Variants in SCRG1 observed in about 807,000 individuals in gnomAD.
The protein encoded by SCRG1 is stimulator of chondrogenesis 1.
A neutral mutation model predicts 7.7 loss-of-function variants in SCRG1; 3 were observed. The ratio of observed to expected loss-of-function variants is 0.39; its 90% confidence interval spans 0.18 to 1.01. The LOEUF is 1.01. Ranked by LOEUF, SCRG1 falls within the 50% of genes least tolerant of loss-of-function variation. The probability of loss-of-function intolerance (pLI) is 0.36; values close to 1 mark genes in which losing one functional copy is unlikely to be tolerated. For synonymous variants in SCRG1, 46 were observed against 41.2 expected (o/e 1.12, Z -0.44); for missense variants, 110 against 117.2 (o/e 0.94, Z 0.28).
chr4:173,450,933 A>T, the SCRG1 span, among the ~76,000 whole-genome samples: 432 of 152,212 alleles, frequency 2.8e-3, 2 homozygotes, highest in African/African-American at 9.8e-3. Flanking sequence ...CCAAGAAAGA[A>T]CACCCAACCA....
chr4:173,468,117 T>A, the SCRG1 span: 2 of 152,642 alleles, frequency 1.3e-5, no homozygotes, highest in African/African-American at 4.8e-5. Context: ...AATGTTTCCA[T>A]CAACGATGGA....
chr4:173,499,028 G>C, the SCRG1 span, among the ~76,000 whole-genome samples: 1 of 152,156 alleles, frequency 6.6e-6, no homozygotes, highest in East Asian at 1.9e-4. The surrounding 1 kb of genome is among the most constrained non-coding windows in gnomAD (Gnocchi z 4.1). Flanking sequence ...CTTAGAAAAG[G>C]CCGCGGGTTC....
At chr4:173,507,117 A>G in the SCRG1 span, among the ~76,000 whole-genome samples, 1 of 152,220 alleles carries the variant, frequency 6.6e-6, no homozygotes, top group African/African-American at 2.4e-5. This position sits in a 1 kb window ranked among gnomAD's most constrained non-coding sequence, Gnocchi z 4.4. Flanking sequence ...GGTGCCATGA[A>G]GGGAAGGCCG....
the SCRG1 span, among the ~76,000 whole-genome samples, chr4:173,459,676 A>T: frequency 6.6e-6 from 1 of 152,230 alleles, no homozygotes; most frequent in Non-Finnish European, 1.5e-5. Context: ...ATTTCAAATA[A>T]ACAACCTAAT....
chr4:173,465,048 C>A, the SCRG1 span, among the ~76,000 whole-genome samples: 1 of 152,078 alleles, frequency 6.6e-6, no homozygotes, highest in African/African-American at 2.4e-5. Context: ...GTCAAATTCA[C>A]AGTGACAGAA....
At chr4:173,470,751 A>G in the SCRG1 span, among the ~76,000 whole-genome samples, 10 of 152,348 alleles carry the variant, frequency 6.6e-5, no homozygotes, top group African/African-American at 2.4e-4. Flanking sequence ...ATACAAGTTT[A>G]TTTAATAGTT....
the SCRG1 span, among the ~76,000 whole-genome samples, chr4:173,430,568 C>G: frequency 6.6e-6 from 1 of 152,020 alleles, no homozygotes; most frequent in Non-Finnish European, 1.5e-5. Context: ...GCAGGAGGAT[C>G]ACTTGAGCCC....
At chr4:173,482,669 T>G in the SCRG1 span, among the ~76,000 whole-genome samples, 1 of 151,530 alleles carries the variant, frequency 6.6e-6, no homozygotes, top group Non-Finnish European at 1.5e-5. Flanking sequence ...AATTGAAAAC[T>G]TAGCCAGGTG....
chr4:173,514,084 A>G, the SCRG1 span, among the ~76,000 whole-genome samples: 1 of 152,200 alleles, frequency 6.6e-6, no homozygotes, highest in Non-Finnish European at 1.5e-5. Context: ...ACATGCAATA[A>G]CTTTCTGTTT....
chr4:173,432,300 CCCCT>C, the SCRG1 span, among the ~76,000 whole-genome samples: 22 of 133,370 alleles, frequency 1.6e-4, no homozygotes, highest in South Asian at 5.4e-4. Context: ...CCTTCCTCCC[CCCCT>C]CCCTCCCTCC....
At chr4:173,489,238 T>A in the SCRG1 span, among the ~76,000 whole-genome samples, 1 of 152,202 alleles carries the variant, frequency 6.6e-6, no homozygotes, top group South Asian at 2.1e-4. Context: ...ACCAAAACTG[T>A]GCAGTCTTTC....
At chr4:173,461,128 C>T in the SCRG1 span, among the ~76,000 whole-genome samples, 12 of 152,320 alleles carry the variant, frequency 7.9e-5, no homozygotes, top group African/African-American at 2.6e-4. Flanking sequence ...CTGGGCCCAC[C>T]CGGGGCCTGG....
At chr4:173,453,793 G>A in the SCRG1 span, among the ~76,000 whole-genome samples, 1 of 152,114 alleles carries the variant, frequency 6.6e-6, no homozygotes, top group Non-Finnish European at 1.5e-5. Flanking sequence ...TAAGAAGTGA[G>A]CAGCTGGGTG....
At chr4:173,491,966 C>A in the SCRG1 span, among the ~76,000 whole-genome samples, 2 of 151,760 alleles carry the variant, frequency 1.3e-5, no homozygotes, top group African/African-American at 4.8e-5. Flanking sequence ...TCCATCTCTA[C>A]AATTTTTTTT....
chr4:173,391,133 A>T, intron 2 of SCRG1, 40 bp downstream of exon 2: 1 of 1,605,422 alleles, frequency 6.2e-7, no homozygotes, highest in Non-Finnish European at 8.5e-7. Context: ...TGTTCTGCAT[A>T]CATTTCCAGG....
the SCRG1 span, among the ~76,000 whole-genome samples, chr4:173,450,800 G>A: frequency 6.6e-6 from 1 of 152,184 alleles, no homozygotes; most frequent in South Asian, 2.1e-4. Flanking sequence ...TAACAAAGCT[G>A]TGATGAGGTT....
the SCRG1 span, among the ~76,000 whole-genome samples, chr4:173,479,441 TTG>T: frequency 5.5e-5 from 8 of 144,684 alleles, no homozygotes; most frequent in South Asian, 6.9e-4. Flanking sequence ...GTTTGTTTTT[TTG>T]TTTTTTTTTT....
the SCRG1 span, among the ~76,000 whole-genome samples, chr4:173,499,037 T>G: frequency 2.0e-5 from 3 of 152,194 alleles, no homozygotes; most frequent in African/African-American, 7.2e-5. This position sits in a 1 kb window ranked among gnomAD's most constrained non-coding sequence, Gnocchi z 4.1. Flanking sequence ...GGCCGCGGGT[T>G]CTGGAGACAG....
At chr4:173,517,511 G>C in the SCRG1 span, among the ~76,000 whole-genome samples, 3 of 152,124 alleles carry the variant, frequency 2.0e-5, no homozygotes, top group Admixed American at 6.5e-5. Context: ...CTGAAATAAG[G>C]GGTTCACCGG....
Sources: allele counts gnomAD v4.1 joint callset (sites outside exome capture counted in the v4.1 genomes callset), GRCh38; gene constraint gnomAD v4.1.1; non-coding constraint Gnocchi (gnomAD v3.1); transcripts MANE v1.5; gene names NCBI Gene and HGNC (gene_info 2026-07-23, HGNC 2026-07-21).